The following HSD17B12 variants were observed in gnomAD, a reference collection of about 807,000 sequenced individuals.
HSD17B12 encodes the protein hydroxysteroid 17-beta dehydrogenase 12, also known as very-long-chain 3-oxoacyl-CoA reductase.
In HSD17B12, 32 loss-of-function variants were observed where a neutral mutation model predicts 39.3. The observed-to-expected ratio is 0.81, with a 90% CI of 0.61 to 1.09. HSD17B12 has a LOEUF of 1.09. Ranked by LOEUF, HSD17B12 falls within the 50% of genes least tolerant of loss-of-function variation. The pLI, the probability that HSD17B12 is intolerant of heterozygous loss-of-function variation, is 0.00. For missense variants in HSD17B12, 342 were observed against 382.9 expected (o/e 0.89, Z 0.89); for synonymous variants, 150 against 146.7 (o/e 1.02, Z -0.16).
At chr11:43,596,368 G>GA in the HSD17B12 span, among the ~76,000 whole-genome samples, 8 of 150,650 alleles carry the variant, frequency 5.3e-5, no homozygotes, top group Admixed American at 1.3e-4. Context: ...AAAACAAACA[G>GA]AAAAAAAAAG....
At chr11:43,804,496 G>A (rs1951000385) in intron 4 of HSD17B12, among the ~76,000 whole-genome samples, 2 of 152,200 alleles carry the variant, frequency 1.3e-5, no homozygotes, top group Admixed American at 1.3e-4. Context: ...GCCAAAGCTG[G>A]AATAGAACTT....
chr11:43,636,177 C>T, the HSD17B12 span, among the ~76,000 whole-genome samples: 48 of 152,296 alleles, frequency 3.2e-4, 1 homozygote, highest in Non-Finnish European at 1.6e-4. Context: ...TTTAAATGGG[C>T]TCATTTTAAA....
chr11:43,722,437 A>G (rs906061568), intron 1 of HSD17B12, among the ~76,000 whole-genome samples: 1 of 152,148 alleles, frequency 6.6e-6, no homozygotes, highest in African/African-American at 2.4e-5. Context: ...AGGCAAGGAG[A>G]CTAGTCACTC....
the HSD17B12 span, among the ~76,000 whole-genome samples, chr11:43,588,469 A>G: frequency 1.3e-5 from 2 of 152,258 alleles, no homozygotes; most frequent in African/African-American, 2.4e-5. Flanking sequence ...TAAACTTTTT[A>G]TCTTCTCGAT....
At chr11:43,648,760 C>G in the HSD17B12 span, among the ~76,000 whole-genome samples, 17,647 of 152,134 alleles carry the variant, frequency 0.12, 1,379 homozygotes, top group Middle Eastern at 0.23. Context: ...CAGAGTCTCA[C>G]TCTGTTGCCC....
At chr11:43,784,502 C>G (rs1315629443) in intron 3 of HSD17B12, among the ~76,000 whole-genome samples, 1 of 151,698 alleles carries the variant, frequency 6.6e-6, no homozygotes, top group Non-Finnish European at 1.5e-5. Context: ...TTCCTTATTC[C>G]CCCCTTGGAG....
chr11:43,724,633 G>A (rs908761755), intron 1 of HSD17B12, among the ~76,000 whole-genome samples: 3 of 152,106 alleles, frequency 2.0e-5, no homozygotes, highest in Non-Finnish European at 4.4e-5. Context: ...GGCAGAGGGG[G>A]CAAATGAGCT....
chr11:43,611,993 C>T, the HSD17B12 span, among the ~76,000 whole-genome samples: 1 of 152,164 alleles, frequency 6.6e-6, no homozygotes, highest in African/African-American at 2.4e-5. Context: ...TACTATTATT[C>T]TCCTTATCAT....
the HSD17B12 span, among the ~76,000 whole-genome samples, chr11:43,595,036 T>C: frequency 6.6e-6 from 1 of 152,164 alleles, no homozygotes; most frequent in Non-Finnish European, 1.5e-5. Flanking sequence ...ATACCACAAC[T>C]GCACAAATTT....
chr11:43,738,350 T>G (rs964444443), intron 1 of HSD17B12, among the ~76,000 whole-genome samples: 1 of 152,078 alleles, frequency 6.6e-6, no homozygotes, highest in Non-Finnish European at 1.5e-5. Context: ...CATTAGCTAT[T>G]CTTCCTGATA....
At chr11:43,695,994 C>T (rs1949908290) in intron 1 of HSD17B12, among the ~76,000 whole-genome samples, 1 of 152,096 alleles carries the variant, frequency 6.6e-6, no homozygotes, top group Non-Finnish European at 1.5e-5. Context: ...CTCCCTCCTC[C>T]CACCTTCCAC....
intron 1 of HSD17B12, among the ~76,000 whole-genome samples, chr11:43,699,692 A>T (rs1307245701): frequency 6.6e-6 from 1 of 152,194 alleles, no homozygotes; most frequent in Non-Finnish European, 1.5e-5. Context: ...AGATGTTGAG[A>T]CACATTCAAG....
At chr11:43,729,206 C>T (rs934607909) in intron 1 of HSD17B12, among the ~76,000 whole-genome samples, 1 of 152,198 alleles carries the variant, frequency 6.6e-6, no homozygotes, top group Non-Finnish European at 1.5e-5. Context: ...TTTCAGATGT[C>T]CTTGCATCTT....
chr11:43,757,864 C>T (rs1950525510), intron 3 of HSD17B12, among the ~76,000 whole-genome samples: 2 of 151,946 alleles, frequency 1.3e-5, no homozygotes, highest in East Asian at 1.9e-4. Flanking sequence ...GCTAGAATAA[C>T]GGCCTGTTGC....
chr11:43,749,419 G>T (rs1295302328), intron 1 of HSD17B12, among the ~76,000 whole-genome samples: 1 of 152,102 alleles, frequency 6.6e-6, no homozygotes, highest in Non-Finnish European at 1.5e-5. Flanking sequence ...TTAGGAATGA[G>T]ATAATGGTAT....
the HSD17B12 span, among the ~76,000 whole-genome samples, chr11:43,660,030 C>T: frequency 5.0e-3 from 757 of 152,270 alleles, 6 homozygotes; most frequent in African/African-American, 0.017. Flanking sequence ...GGATAAGCTC[C>T]AGGACCCAAA....
intron 6 of HSD17B12, among the ~76,000 whole-genome samples, chr11:43,820,200 C>T (rs1376226797): frequency 1.3e-5 from 2 of 152,156 alleles, no homozygotes; most frequent in African/African-American, 4.8e-5. Context: ...CTGTGCTCAA[C>T]AGGCTAGAGA....
intron 4 of HSD17B12, among the ~76,000 whole-genome samples, chr11:43,806,617 C>G (rs1475057984): frequency 6.6e-6 from 1 of 152,032 alleles, no homozygotes; most frequent in African/African-American, 2.4e-5. Context: ...CACATGTTCT[C>G]ACTCATATGT....
chr11:43,614,451 T>C, the HSD17B12 span, among the ~76,000 whole-genome samples: 2 of 152,238 alleles, frequency 1.3e-5, no homozygotes, highest in South Asian at 4.1e-4. Flanking sequence ...ATAGCACTTC[T>C]GTCCGTTTCT....
Sources: gnomAD v4.1 joint callset for allele counts (sites outside exome capture counted in the v4.1 genomes callset) on GRCh38, gnomAD v4.1.1 for gene constraint, MANE v1.5 for transcripts, NCBI Gene and HGNC (gene_info 2026-07-23, HGNC 2026-07-21) for gene names.